Variants in POFUT3 observed in about 807,000 individuals in gnomAD.
POFUT3 encodes GDP-fucose protein O-fucosyltransferase 3.
chr8:33,380,193 ATATATATAC>A, the POFUT3 span, among the ~76,000 whole-genome samples: 24 of 63,676 alleles, frequency 3.8e-4, no homozygotes, highest in South Asian at 2.1e-3. Context: ...TATATACTAT[ATATATATAC>A]TATATATATA....
chr8:33,336,865 G>A, the POFUT3 span, among the ~76,000 whole-genome samples: 2 of 152,150 alleles, frequency 1.3e-5, no homozygotes, highest in Admixed American at 1.3e-4. Flanking sequence ...ACCAAAAGGG[G>A]AGAGACAGGG....
chr8:33,365,135 C>G, the POFUT3 span, among the ~76,000 whole-genome samples: 1 of 151,704 alleles, frequency 6.6e-6, no homozygotes, highest in South Asian at 2.1e-4. Context: ...CTTTGACAAA[C>G]CTGACAAAAA....
chr8:33,396,220 G>T, the POFUT3 span, among the ~76,000 whole-genome samples: 1 of 152,128 alleles, frequency 6.6e-6, no homozygotes, highest in Admixed American at 6.5e-5. Flanking sequence ...CCCTTCCTGT[G>T]CCTCTCCAGT....
chr8:33,356,394 G>C, the POFUT3 span, among the ~76,000 whole-genome samples: 1 of 152,166 alleles, frequency 6.6e-6, no homozygotes, highest in Non-Finnish European at 1.5e-5. Flanking sequence ...TCTCATTGTG[G>C]TTTTGATTTG....
the POFUT3 span, among the ~76,000 whole-genome samples, chr8:33,313,803 C>CT: frequency 2.6e-5 from 4 of 152,078 alleles, no homozygotes; most frequent in African/African-American, 7.2e-5. Context: ...TTTTTCTCTT[C>CT]TTTTTTTAAT....
At chr8:33,449,693 G>A in the POFUT3 span, among the ~76,000 whole-genome samples, 1 of 152,160 alleles carries the variant, frequency 6.6e-6, no homozygotes, top group Non-Finnish European at 1.5e-5. Context: ...GGTTCTCCAA[G>A]CTCTGGTCCC....
At chr8:33,322,270 TGGA>T in the POFUT3 span, among the ~76,000 whole-genome samples, 2 of 152,102 alleles carry the variant, frequency 1.3e-5, no homozygotes, top group Non-Finnish European at 1.5e-5. Flanking sequence ...TCCTGTGGGC[TGGA>T]GGAGAGATTA....
the POFUT3 span, among the ~76,000 whole-genome samples, chr8:33,310,497 G>A: frequency 6.6e-6 from 1 of 151,868 alleles, no homozygotes; most frequent in African/African-American, 2.4e-5. Flanking sequence ...ATTCCTTGAG[G>A]CCAGGAGTTT....
chr8:33,367,598 C>T, the POFUT3 span, among the ~76,000 whole-genome samples: 2 of 151,968 alleles, frequency 1.3e-5, no homozygotes, highest in African/African-American at 2.4e-5. Flanking sequence ...TTAGGGTCTC[C>T]CCAAACAAGC....
chr8:33,323,423 A>T, the POFUT3 span, among the ~76,000 whole-genome samples: 1 of 152,188 alleles, frequency 6.6e-6, no homozygotes, highest in Non-Finnish European at 1.5e-5. Context: ...AATATCAGGT[A>T]GCACTCACAA....
At chr8:33,329,548 T>A in the POFUT3 span, among the ~76,000 whole-genome samples, 4 of 152,218 alleles carry the variant, frequency 2.6e-5, no homozygotes. Context: ...AACTGCTCAA[T>A]ACTGCAAAGG....
the POFUT3 span, among the ~76,000 whole-genome samples, chr8:33,316,296 C>G: frequency 6.6e-6 from 1 of 152,212 alleles, no homozygotes; most frequent in Admixed American, 6.5e-5. Context: ...TTCCTATCTT[C>G]CCCACTTTAC....
At chr8:33,420,418 G>A in the POFUT3 span, among the ~76,000 whole-genome samples, 1 of 152,202 alleles carries the variant, frequency 6.6e-6, no homozygotes, top group South Asian at 2.1e-4. Context: ...AAGAGACAGT[G>A]TGGGAATAAT....
chr8:33,469,807 T>TTC, the POFUT3 span, among the ~76,000 whole-genome samples: 1 of 119,830 alleles, frequency 8.3e-6, no homozygotes, highest in South Asian at 2.6e-4. Context: ...CTTTTTCTTT[T>TTC]TTTTTTTTTT....
chr8:33,355,325 G>A, the POFUT3 span, among the ~76,000 whole-genome samples: 2 of 152,124 alleles, frequency 1.3e-5, no homozygotes, highest in Non-Finnish European at 2.9e-5. Flanking sequence ...TATATTAAAG[G>A]TTATAAGAGT....
At chr8:33,341,371 GT>G in the POFUT3 span, among the ~76,000 whole-genome samples, 1 of 149,898 alleles carries the variant, frequency 6.7e-6, no homozygotes. Context: ...GGAAGCGGAG[GT>G]TGCAGTGAGC....
chr8:33,309,193 TATATATAC>T, the POFUT3 span, among the ~76,000 whole-genome samples: 153 of 118,592 alleles, frequency 1.3e-3, 9 homozygotes, highest in African/African-American at 4.3e-3. Flanking sequence ...TATATATATA[TATATATAC>T]ACACACATAT....
the POFUT3 span, among the ~76,000 whole-genome samples, chr8:33,309,185 TATATATATATATATAC>T: frequency 6.2e-5 from 7 of 112,078 alleles, no homozygotes; most frequent in East Asian, 7.5e-4. Context: ...TATATATATA[TATATATATATATATAC>T]ACACACATAT....
the POFUT3 span, among the ~76,000 whole-genome samples, chr8:33,315,955 T>C: frequency 6.6e-6 from 1 of 152,178 alleles, no homozygotes; most frequent in Non-Finnish European, 1.5e-5. Context: ...CTAGGATTTA[T>C]GCAATCTTGG....
Sources: allele counts gnomAD v4.1 joint callset (sites outside exome capture counted in the v4.1 genomes callset), GRCh38; gene constraint gnomAD v4.1.1; transcripts MANE v1.5; gene names NCBI Gene and HGNC (gene_info 2026-07-23, HGNC 2026-07-21).